The following TMEM135 variants were observed in gnomAD, a reference collection of about 807,000 sequenced individuals.
TMEM135 encodes the protein transmembrane protein 135.
A neutral mutation model predicts 60.3 loss-of-function variants in TMEM135; 30 were observed. That is an observed-to-expected ratio of 0.50 (90% CI 0.37 to 0.68). The LOEUF (loss-of-function observed/expected upper bound fraction) is 0.68, where lower values mean the gene tolerates loss of function less well. Among genes scored for constraint, TMEM135 ranks in the 30% least tolerant of loss-of-function variants. TMEM135 has a pLI of 0.00. For missense variants in TMEM135, 468 were observed against 548.8 expected, an observed-to-expected ratio of 0.85 and a Z score of 1.47; for synonymous variants, 190 against 186.7, an observed-to-expected ratio of 1.02 and a Z score of -0.14.
At chr11:87,312,396 C>T (rs1942654796) in intron 10 of TMEM135, among the ~76,000 whole-genome samples, 3 of 151,956 alleles carry the variant, frequency 2.0e-5, no homozygotes, top group South Asian at 4.1e-4. Context: ...TTCTCCTTCC[C>T]ATCCTTTGTT....
At chr11:87,236,381 A>T (rs1446269628) in intron 5 of TMEM135, among the ~76,000 whole-genome samples, 2 of 152,024 alleles carry the variant, frequency 1.3e-5, no homozygotes, top group African/African-American at 2.4e-5. Flanking sequence ...TTGCAAAAAA[A>T]TCACAATGTT....
chr11:87,129,252 T>A (rs1937834435), intron 4 of TMEM135, among the ~76,000 whole-genome samples: 1 of 20,620 alleles, frequency 4.8e-5, no homozygotes, highest in East Asian at 4.4e-3. Flanking sequence ...TTTTTTTTTT[T>A]TTTTTTTTGA....
intron 5 of TMEM135, among the ~76,000 whole-genome samples, chr11:87,177,282 T>A (rs959711994): frequency 2.0e-5 from 3 of 152,146 alleles, no homozygotes; most frequent in African/African-American, 4.8e-5. Context: ...CATTGCTAAT[T>A]TTGATAGAGT....
rs79881504 is a variant in TMEM135 at position 87,200,182 on chromosome 11, T to C, written c.463-36456T>C. ...TAATTTAAAATTATGGGATGATAGT[T>C]AACTTTTAATTTTAATAGGAAATAG... On this transcript the variant is annotated intron_variant, in intron 5 of 14. Coordinates refer to ENST00000305494, the MANE Select transcript of TMEM135 (RefSeq NM_022918.4). Among the ~76,000 whole-genome samples the C allele has an allele frequency of 3.1e-4, 47 of 152,260 alleles. 1 individual carries two copies. The East Asian group carries it at 8.1e-3, about 26-fold the overall frequency.
At chr11:87,321,068 C>A in intron 14 of TMEM135, 133 bp from the exon 15 acceptor site, 1 of 702,594 alleles carries the variant, frequency 1.4e-6, no homozygotes, top group Non-Finnish European at 2.3e-6. Context: ...CTTGAATCTG[C>A]CATTGAATTT....
chr11:87,214,910 T>C (rs745957193), intron 5 of TMEM135, among the ~76,000 whole-genome samples: 1 of 152,192 alleles, frequency 6.6e-6, no homozygotes, highest in African/African-American at 2.4e-5. Context: ...TGACCTTCTA[T>C]TTTATTTAAC....
intron 1 of TMEM135, among the ~76,000 whole-genome samples, chr11:87,053,988 A>G (rs971789025): frequency 6.6e-6 from 1 of 152,212 alleles, no homozygotes; most frequent in African/African-American, 2.4e-5. Context: ...TTTGTTAGTG[A>G]GCCTGAATAA....
At chr11:87,176,527 C>G (rs1002387771) in intron 5 of TMEM135, among the ~76,000 whole-genome samples, 1 of 152,002 alleles carries the variant, frequency 6.6e-6, no homozygotes, top group African/African-American at 2.4e-5. Context: ...TGAGATGGTT[C>G]AGTAGGGATG....
Position 87,327,091 on chromosome 11 carries a change from C to T in TMEM135, c.*5758C>T, listed in dbSNP as rs970236576. On this transcript the variant is annotated 3_prime_UTR_variant, in exon 15 of 15. Coordinates refer to ENST00000305494, the MANE Select transcript of TMEM135 (RefSeq NM_022918.4). The stretch of plus-strand genomic sequence containing the variant: ...AGGGATGAATCATAATTGTTCTAGG[C>T]CTTTCATGTCTTTCCTTTCTTCTTG... The T allele has an allele frequency of 2.2e-6, 1 of 453,858 alleles. No homozygotes were observed. Among genetic ancestry groups the T allele is most frequent in the Non-Finnish European group, 4.4e-6 (1 of 226,774 alleles). The allele number at this position is 453,858 out of a possible 1,614,324, so 28.1% of individuals were successfully genotyped here.
intron 4 of TMEM135, among the ~76,000 whole-genome samples, chr11:87,132,954 G>A (rs1472101351): frequency 6.6e-6 from 1 of 152,070 alleles, no homozygotes; most frequent in African/African-American, 2.4e-5. Flanking sequence ...GCACTTTGGG[G>A]CCATTATTAA....
intron 5 of TMEM135, among the ~76,000 whole-genome samples, chr11:87,182,972 G>A (rs1376826990): frequency 6.6e-6 from 1 of 151,836 alleles, no homozygotes; most frequent in Non-Finnish European, 1.5e-5. Context: ...AATCTGTTAG[G>A]ATTTGATTAC....
rs561343147 is a variant in TMEM135 at position 87,295,227 on chromosome 11, C to T, written c.510-555C>T. 3.9e-5 allele frequency among the ~76,000 whole-genome samples: 6 copies of T among 152,288 alleles called. 1 individual carries two copies. The South Asian group carries it at 1.2e-3, about 32-fold the overall frequency. On this transcript the variant is annotated intron_variant, in intron 6 of 14. Transcript: ENST00000305494. ...TTAGAGTCCTGTCTTTCTGCTCTCCCCTCACCCCAACTCTGTTCTTCATGC... is the reference window on the plus strand; with the variant it reads ...TTAGAGTCCTGTCTTTCTGCTCTCCTCTCACCCCAACTCTGTTCTTCATGC...
chr11:87,046,793 CAG>C (rs1164852645), intron 1 of TMEM135, among the ~76,000 whole-genome samples: 2 of 152,116 alleles, frequency 1.3e-5, no homozygotes, highest in Non-Finnish European at 2.9e-5. Context: ...AAGAAGCAGA[CAG>C]AGCTGTATGA....
chr11:87,062,557 C>T (rs895110675), intron 1 of TMEM135, among the ~76,000 whole-genome samples: 5 of 149,502 alleles, frequency 3.3e-5, no homozygotes, highest in African/African-American at 4.9e-5. Flanking sequence ...TCCACCTCCT[C>T]GAGTTCAAGC....
chr11:87,090,106 AGTGTATGGCACTGG>A (rs1427011513), intron 3 of TMEM135, among the ~76,000 whole-genome samples: 2 of 152,072 alleles, frequency 1.3e-5, no homozygotes, highest in African/African-American at 4.8e-5. Flanking sequence ...GATTCCTAGG[AGTGTATGGCACTGG>A]GTGTATGGCA....
At chr11:87,119,070 A>T (rs990539945) in intron 4 of TMEM135, among the ~76,000 whole-genome samples, 2 of 152,136 alleles carry the variant, frequency 1.3e-5, no homozygotes, top group African/African-American at 4.8e-5. Flanking sequence ...TTTCCTTTGC[A>T]TTTACAACTT....
chr11:87,254,906 A>C (rs674408), intron 6 of TMEM135, among the ~76,000 whole-genome samples: 100,050 of 151,838 alleles, frequency 0.66, 33,544 homozygotes, highest in Non-Finnish European at 0.71. Context: ...TTTAAGAGCC[A>C]AGGCAGGAGG....
At chr11:87,249,649 T>C (rs548681) in intron 6 of TMEM135, among the ~76,000 whole-genome samples, 100,135 of 151,960 alleles carry the variant, frequency 0.66, 33,584 homozygotes, top group Non-Finnish European at 0.71. Context: ...AACATCCTTG[T>C]ATCCCTGGGA....
chr11:87,053,121 A>C (rs1046610995), intron 1 of TMEM135, among the ~76,000 whole-genome samples: 2 of 124,528 alleles, frequency 1.6e-5, no homozygotes, highest in African/African-American at 6.6e-5. Flanking sequence ...CAATGAGATC[A>C]CATGGACACA....
Sources: allele counts gnomAD v4.1 joint callset (sites outside exome capture counted in the v4.1 genomes callset), GRCh38; gene constraint gnomAD v4.1.1; transcripts MANE v1.5; gene names NCBI Gene and HGNC (gene_info 2026-07-23, HGNC 2026-07-21).